Variants in DZIP3 observed in about 807,000 individuals in gnomAD.
DZIP3 encodes the protein DAZ interacting zinc finger protein 3, also known as E3 ubiquitin-protein ligase DZIP3.
A neutral mutation model predicts 162.0 loss-of-function variants in DZIP3; 118 were observed. The ratio of observed to expected loss-of-function variants is 0.73; its 90% CI spans 0.63 to 0.85. The LOEUF (loss-of-function observed/expected upper bound fraction) is 0.85. Ranked by LOEUF, DZIP3 falls within the 40% of genes least tolerant of loss-of-function variation. The pLI, the probability that DZIP3 is intolerant of heterozygous loss-of-function variation, is 0.00. For synonymous variants in DZIP3, 438 were observed against 458.6 expected (o/e 0.96, Z 0.57); for missense variants, 1,331 against 1,407.0 (o/e 0.95, Z 0.86).
At chr3:108,631,041 A>T (rs80205610) in intron 8 of DZIP3, among the ~76,000 whole-genome samples, 29 of 92,956 alleles carry the variant, frequency 3.1e-4, no homozygotes, top group African/African-American at 1.2e-3. Flanking sequence ...ACACACACAC[A>T]CACACACACA....
At chr3:108,662,678 C>A (rs1943494972) in intron 21 of DZIP3, among the ~76,000 whole-genome samples, 1 of 152,204 alleles carries the variant, frequency 6.6e-6, no homozygotes, top group Admixed American at 6.5e-5. Flanking sequence ...AGATTGAAAA[C>A]AAATCTTTTT....
At chr3:108,629,619 G>GACAC (rs147814342) in intron 8 of DZIP3, among the ~76,000 whole-genome samples, 53 of 149,800 alleles carry the variant, frequency 3.5e-4, no homozygotes, top group East Asian at 1.4e-3. Context: ...TATCTGTCCA[G>GACAC]ACACACACAC....
chr3:108,627,337 A>G lies in DZIP3; in HGVS notation c.581+1368A>G, dbSNP rs1238012105. ...GTATCATTACTTTCATCCCTGGCCT[A>G]TAGAGGACAACCACCACTGAGCTCC... On this transcript the variant is annotated intron_variant, in intron 7 of 32. Coordinates refer to ENST00000361582, the MANE Select transcript of DZIP3 (RefSeq NM_014648.4). Among the ~76,000 whole-genome samples the G allele has an allele frequency of 2.0e-5, 3 of 152,286 alleles. No individual in the cohort carries two copies. The East Asian group carries it at 5.8e-4, about 29-fold the overall frequency.
At chr3:108,598,604 T>C (rs898444861) in intron 1 of DZIP3, among the ~76,000 whole-genome samples, 4 of 152,102 alleles carry the variant, frequency 2.6e-5, no homozygotes, top group Non-Finnish European at 5.9e-5. Flanking sequence ...AAGCTGGAGG[T>C]GGATAGGGCA....
At chr3:108,642,380 TTGAC>T in intron 12 of DZIP3, 54 bp from the exon 13 acceptor site, 1 of 1,424,622 alleles carries the variant, frequency 7.0e-7, no homozygotes, top group Non-Finnish European at 9.4e-7. Context: ...ACTAGAAATC[TTGAC>T]TGACTTTGGT....
chr3:108,646,206 A>G (rs1222928257), intron 14 of DZIP3, among the ~76,000 whole-genome samples: 2 of 152,194 alleles, frequency 1.3e-5, no homozygotes, highest in Non-Finnish European at 2.9e-5. Context: ...GTAGGTGCTC[A>G]ATAAATATTA....
intron 4 of DZIP3, among the ~76,000 whole-genome samples, chr3:108,613,316 T>C (rs1940823801): frequency 6.6e-6 from 1 of 151,970 alleles, no homozygotes. Flanking sequence ...AGAGGAAAAA[T>C]AGCCAAGAAA....
In DZIP3 at chr3:108,674,159, A is replaced by G; in HGVS notation, c.2671A>G (p.Arg891Gly). ...AAAGGAATGTCTCAATCAGCTTGCC[A>G]GGGTGACTCACATGGCAGCAAGGTA... Reference protein sequence around the residue: ...TEKECLNQLARVTHMAASNLE... With the variant: ...TEKECLNQLAGVTHMAASNLE... The change falls in exon 24 of 33, where the codon AGG becomes GGG. Residue 891 changes from arginine (R) to glycine (G), a missense_variant. Physicochemically the swap from Arg to Gly is moderately radical, Grantham distance 125. Transcript: ENST00000361582. 5 of 1,612,320 alleles carry G rather than the reference A, an allele frequency of 3.1e-6. No individual in the cohort carries two copies. Among genetic ancestry groups the G allele is most frequent in the Non-Finnish European group, 4.2e-6 (5 of 1,178,886 alleles).
chr3:108,612,731 T>C (rs71321268), intron 4 of DZIP3, among the ~76,000 whole-genome samples: 1 of 152,154 alleles, frequency 6.6e-6, no homozygotes, highest in Admixed American at 6.5e-5. Flanking sequence ...TAAATAGTTG[T>C]TATACTGTAT....
intron 12 of DZIP3, among the ~76,000 whole-genome samples, chr3:108,640,446 C>A (rs910409349): frequency 1.5e-4 from 18 of 120,556 alleles, no homozygotes; most frequent in Admixed American, 1.5e-3. Flanking sequence ...TATTTAACAT[C>A]CTTTTTTTTT....
At chr3:108,631,071 T>A (rs1280017751) in intron 8 of DZIP3, among the ~76,000 whole-genome samples, 40 of 105,804 alleles carry the variant, frequency 3.8e-4, no homozygotes, top group East Asian at 8.0e-4. Context: ...TCTCTCTCTC[T>A]CTCTCTCTCT....
At chr3:108,645,839 AAGTC>A (rs1289643951) in intron 14 of DZIP3, among the ~76,000 whole-genome samples, 2 of 152,200 alleles carry the variant, frequency 1.3e-5, no homozygotes, top group African/African-American at 2.4e-5. Context: ...ATATATAAGA[AAGTC>A]AGGCAAGAAT....
chr3:108,652,804 T>G (rs1942924377), intron 18 of DZIP3, among the ~76,000 whole-genome samples: 1 of 151,926 alleles, frequency 6.6e-6, no homozygotes, highest in Non-Finnish European at 1.5e-5. Context: ...ACAGACATAC[T>G]TACGTGTTAC....
At chr3:108,601,647 G>T (rs1267280461) in intron 1 of DZIP3, among the ~76,000 whole-genome samples, 1 of 152,122 alleles carries the variant, frequency 6.6e-6, no homozygotes, top group East Asian at 1.9e-4. Flanking sequence ...ATGTAAACTT[G>T]TTGGCATATT....
chr3:108,610,005 G>T (rs1320792809), intron 3 of DZIP3, among the ~76,000 whole-genome samples: 1 of 152,116 alleles, frequency 6.6e-6, no homozygotes, highest in Non-Finnish European at 1.5e-5. Flanking sequence ...TTCTTTATAA[G>T]GGGTTTTTCT....
At position 108,661,979 on chromosome 3, in the gene DZIP3, A is replaced by G; in HGVS notation, c.2295+7A>G. 6.2e-7 allele frequency: 1 copy of G among 1,611,822 alleles called. No individual in the cohort carries two copies. The highest frequency in any genetic ancestry group is 1.1e-5 in the South Asian group (1 of 90,782). ...ATTGCACTATCAGTGTGAAGTAAGTATTTTTGCCATTAGATCTGATGGAAG... is the reference window on the plus strand; with the variant it reads ...ATTGCACTATCAGTGTGAAGTAAGTGTTTTTGCCATTAGATCTGATGGAAG... On this transcript the variant is annotated splice_region_variant and intron_variant, in intron 20 of 32. Transcript: ENST00000361582.
chr3:108,636,969 A>C (rs1361818872), intron 11 of DZIP3, among the ~76,000 whole-genome samples: 4 of 152,068 alleles, frequency 2.6e-5, no homozygotes, highest in Non-Finnish European at 5.9e-5. Context: ...TAAGTATACC[A>C]ATAAGGAAAA....
At chr3:108,622,833 A>G (rs943340032) in intron 5 of DZIP3, among the ~76,000 whole-genome samples, 1 of 96,476 alleles carries the variant, frequency 1.0e-5, no homozygotes. Flanking sequence ...CCAAACAAAC[A>G]GAGTCTCTCT....
chr3:108,653,507 GTATATATATATATATATATATATA>G (rs57047978), intron 18 of DZIP3, among the ~76,000 whole-genome samples: 5 of 104,602 alleles, frequency 4.8e-5, no homozygotes. Context: ...GTGTGTGTGT[GTATATATATATATATATATATATA>G]TATATATATA....
Sources: gnomAD v4.1 joint callset for allele counts (sites outside exome capture counted in the v4.1 genomes callset) on GRCh38, gnomAD v4.1.1 for gene constraint, MANE v1.5 for transcripts, NCBI Gene and HGNC (gene_info 2026-07-23, HGNC 2026-07-21) for gene names.